Variants in VSTM2A observed in about 807,000 individuals in gnomAD.
VSTM2A encodes V-set and transmembrane domain-containing protein 2A.
In VSTM2A, 13 loss-of-function variants were observed where a neutral mutation model predicts 27.3. That is an observed-to-expected ratio of 0.48 (90% CI 0.31 to 0.76). The LOEUF (loss-of-function observed/expected upper bound fraction) is 0.76. Ranked by LOEUF, VSTM2A falls within the 30% of genes least tolerant of loss-of-function variation. The pLI is 0.05. For missense variants in VSTM2A, 280 were observed against 310.0 expected, an observed-to-expected ratio of 0.90 and a Z score of 0.73; for synonymous variants, 142 against 125.7, an observed-to-expected ratio of 1.13 and a Z score of -0.87.
At chr7:54,555,791 T>C (rs904169983) in intron 4 of VSTM2A, among the ~76,000 whole-genome samples, 2 of 152,188 alleles carry the variant, frequency 1.3e-5, no homozygotes, top group Non-Finnish European at 1.5e-5. Context: ...TTTGTATAAT[T>C]ATGTTTTCAT....
intron 4 of VSTM2A, among the ~76,000 whole-genome samples, chr7:54,554,714 G>A (rs1788296614): frequency 6.6e-6 from 1 of 152,198 alleles, no homozygotes; most frequent in Non-Finnish European, 1.5e-5. Context: ...ACCTTACTGA[G>A]TGAAGCCCAG....
chr7:54,549,713 A>G, intron 3 of VSTM2A, 121 bp from the exon 4 acceptor site: 1 of 911,638 alleles, frequency 1.1e-6, no homozygotes, highest in Non-Finnish European at 1.6e-6. Context: ...AAGCTCCTTC[A>G]CTATGGCTAT....
At chr7:54,558,459 T>C (rs914025846) in intron 4 of VSTM2A, 5 of 152,162 alleles carry the variant, frequency 3.3e-5, no homozygotes, top group African/African-American at 9.6e-5. Context: ...GTAATACTTA[T>C]CTGCCAAGGG....
chr7:54,545,552 G>C (rs1305297196), intron 2 of VSTM2A, among the ~76,000 whole-genome samples: 22 of 98,480 alleles, frequency 2.2e-4, no homozygotes, highest in South Asian at 4.4e-4. Context: ...GAGTGGGGAG[G>C]GGAGAAGAAG....
chr7:54,553,805 A>G, intron 4 of VSTM2A: 2 of 1,544,626 alleles, frequency 1.3e-6, no homozygotes, highest in South Asian at 1.2e-5. Flanking sequence ...CCCCTCCACC[A>G]TGCCCCCAAA....
chr7:54,543,798 C>T (rs1236493572), intron 1 of VSTM2A, among the ~76,000 whole-genome samples: 1 of 152,104 alleles, frequency 6.6e-6, no homozygotes, highest in Non-Finnish European at 1.5e-5. Context: ...ACGTTGGTAA[C>T]AAGATAAGAG....
chr7:54,568,683 T>C (rs1788799148), intron 4 of VSTM2A, among the ~76,000 whole-genome samples: 1 of 152,140 alleles, frequency 6.6e-6, no homozygotes, highest in Admixed American at 6.5e-5. Context: ...GATGTGTTTT[T>C]AGGTACCAGT....
rs577825044 is a variant in VSTM2A, at chr7:54,570,425, GTACCTTTGTCATTCTGT to G, written c.*1226_*1242del. On this transcript the variant is annotated 3_prime_UTR_variant, in exon 5 of 5. Coordinates refer to ENST00000402613, the MANE Select transcript of VSTM2A (RefSeq NM_001301009.2). ...CTTCCTTTGACCTTTATGAATTTCT[GTACCTTTGTCATTCTGT>G]TACCTTTGTCATTCTGTTATTTGCG... 127 of 152,096 alleles carry G rather than the reference GTACCTTTGTCATTCTGT, an allele frequency of 8.3e-4. No individual in the cohort carries two copies. Among genetic ancestry groups the G allele is most frequent in the Non-Finnish European group, 1.4e-3 (98 of 67,972 alleles). 9.4% of individuals were successfully genotyped at this position (152,096 alleles called of 1,614,324 possible). A position where few individuals can be genotyped will look rare whatever the true frequency, so the allele number is the denominator to read the frequency against.
chr7:54,565,226 C>T (rs1393443830), intron 4 of VSTM2A, among the ~76,000 whole-genome samples: 1 of 152,228 alleles, frequency 6.6e-6, no homozygotes, highest in Non-Finnish European at 1.5e-5. Flanking sequence ...GCATGACTCC[C>T]TGCTAGGATG....
At chr7:54,556,559 A>G (rs1179627715) in intron 4 of VSTM2A, among the ~76,000 whole-genome samples, 1 of 152,198 alleles carries the variant, frequency 6.6e-6, no homozygotes, top group African/African-American at 2.4e-5. Context: ...ATTTTTGTTT[A>G]AATGATCCAA....
At chr7:54,548,942 A>G (rs1049966291) in intron 3 of VSTM2A, among the ~76,000 whole-genome samples, 2 of 151,402 alleles carry the variant, frequency 1.3e-5, no homozygotes, top group African/African-American at 2.4e-5. Flanking sequence ...TATGAACCCT[A>G]TCATTGTCTC....
chr7:54,548,368 C>T (rs1051390189), intron 3 of VSTM2A, among the ~76,000 whole-genome samples: 1 of 151,864 alleles, frequency 6.6e-6, no homozygotes, highest in African/African-American at 2.4e-5. Flanking sequence ...TGTTTACCCA[C>T]TGTGTGACCT....
At chr7:54,568,879 A>G in intron 4 of VSTM2A, 1 of 967,104 alleles carries the variant, frequency 1.0e-6, no homozygotes. Context: ...AGTGCATGCC[A>G]AGACATTCAT....
intron 3 of VSTM2A, among the ~76,000 whole-genome samples, chr7:54,549,585 C>T (rs1562707124): frequency 6.6e-6 from 1 of 152,138 alleles, no homozygotes; most frequent in South Asian, 2.1e-4. Flanking sequence ...ATGGGGGGCA[C>T]GTGGCTGACA....
intron 4 of VSTM2A, chr7:54,551,286 C>G (rs554401997): frequency 6.6e-6 from 1 of 152,044 alleles, no homozygotes; most frequent in Non-Finnish European, 1.5e-5. Flanking sequence ...GTGAACAATG[C>G]TTTTAAATGT....
At chr7:54,556,791 C>T (rs1460509853) in intron 4 of VSTM2A, among the ~76,000 whole-genome samples, 1 of 152,282 alleles carries the variant, frequency 6.6e-6, no homozygotes, top group African/African-American at 2.4e-5. Flanking sequence ...TTTAATTTTA[C>T]TCATTGAAGT....
chr7:54,563,141 T>A (rs775076446), intron 4 of VSTM2A, among the ~76,000 whole-genome samples: 2 of 152,174 alleles, frequency 1.3e-5, no homozygotes, highest in Non-Finnish European at 1.5e-5. Context: ...CATTCATATC[T>A]CTATATATTT....
intron 4 of VSTM2A, among the ~76,000 whole-genome samples, chr7:54,567,957 C>A (rs1006985019): frequency 6.6e-6 from 1 of 152,104 alleles, no homozygotes; most frequent in African/African-American, 2.4e-5. Flanking sequence ...AAACTTGTCA[C>A]CCAGCTTGAA....
intron 4 of VSTM2A, among the ~76,000 whole-genome samples, chr7:54,564,909 G>T (rs1788673873): frequency 6.6e-6 from 1 of 152,112 alleles, no homozygotes; most frequent in African/African-American, 2.4e-5. Flanking sequence ...GAACAAAGAA[G>T]CTTTACATTT....
Sources: allele counts gnomAD v4.1 joint callset (sites outside exome capture counted in the v4.1 genomes callset), GRCh38; gene constraint gnomAD v4.1.1; transcripts MANE v1.5; gene names NCBI Gene and HGNC (gene_info 2026-07-23, HGNC 2026-07-21).